The following RGL1 variants were observed in gnomAD, a reference collection of about 807,000 sequenced individuals.
The protein encoded by RGL1 is ral guanine nucleotide dissociation stimulator-like 1.
Under a neutral mutation model 95.2 loss-of-function variants are expected in RGL1, and 24 were observed. That is an observed-to-expected ratio of 0.25 (90% CI 0.18 to 0.35). The LOEUF is 0.35. Ranked by LOEUF, RGL1 falls within the 10% of genes least tolerant of loss-of-function variation. RGL1 has a pLI of 1.00. For synonymous variants in RGL1, 329 were observed against 344.9 expected, an observed-to-expected ratio of 0.95 and a Z score of 0.51; for missense variants, 715 against 936.3, an observed-to-expected ratio of 0.76 and a Z score of 3.08.
At chr1:183,893,384 T>C (rs1055217618) in intron 9 of RGL1, among the ~76,000 whole-genome samples, 1 of 152,232 alleles carries the variant, frequency 6.6e-6, no homozygotes, top group Non-Finnish European at 1.5e-5. Context: ...AGATTCACTA[T>C]GGTAAAATAC....
intron 2 of RGL1, among the ~76,000 whole-genome samples, chr1:183,832,031 A>G (rs1163179161): frequency 6.6e-6 from 1 of 152,228 alleles, no homozygotes; most frequent in Non-Finnish European, 1.5e-5. Flanking sequence ...GGACTTTATT[A>G]TAAAAGCAGG....
chr1:183,687,005 G>A (rs1653631430), intron 1 of RGL1, among the ~76,000 whole-genome samples: 1 of 152,104 alleles, frequency 6.6e-6, no homozygotes, highest in South Asian at 2.1e-4. Flanking sequence ...TTCTTCAAGC[G>A]TGACATCAAT....
intron 1 of RGL1, among the ~76,000 whole-genome samples, chr1:183,641,360 C>A (rs554553217): frequency 1.3e-5 from 2 of 152,288 alleles, no homozygotes; most frequent in East Asian, 3.9e-4. Context: ...GTCTTGAACT[C>A]CTGAGCACAA....
chr1:183,823,862 C>T (rs1411056120), intron 2 of RGL1, among the ~76,000 whole-genome samples: 1 of 152,186 alleles, frequency 6.6e-6, no homozygotes, highest in Non-Finnish European at 1.5e-5. Context: ...TCATAGCTTA[C>T]TGCAGCCTCA....
chr1:183,703,685 TACAG>T (rs1654734738), intron 1 of RGL1, among the ~76,000 whole-genome samples: 1 of 152,214 alleles, frequency 6.6e-6, no homozygotes. Context: ...CTGGAGAAAG[TACAG>T]ACAAAGACTA....
At chr1:183,745,374 GT>G (rs11325976) in intron 2 of RGL1, among the ~76,000 whole-genome samples, 67,286 of 151,348 alleles carry the variant, frequency 0.44, 16,152 homozygotes, top group East Asian at 0.76. Flanking sequence ...CTTATGGTTT[GT>G]GTTTTTTCTG....
In RGL1 at chr1:183,907,073, C is replaced by A. The variant is rs371044087; in HGVS notation, c.1534C>A (p.Arg512=). 1 of 1,611,234 alleles carries A rather than the reference C, an allele frequency of 6.2e-7. No homozygotes were observed. Among genetic ancestry groups the A allele is most frequent in the Non-Finnish European group, 8.5e-7 (1 of 1,178,146 alleles). The change falls in exon 14 of 18, where the codon CGG becomes AGG. Residue 512 remains arginine, a synonymous_variant. Transcript: ENST00000360851. ...CGCCAGCACCACCTCGCCCAAGCCT[C>A]GGAAGAGCATGGTGAAGAGACTCAG... The part of the protein sequence containing the change: ...ADASTTSPKP[R]KSMVKRLSLL...
intron 9 of RGL1, among the ~76,000 whole-genome samples, chr1:183,893,047 G>A (rs1311230139): frequency 1.3e-5 from 2 of 152,204 alleles, no homozygotes; most frequent in Non-Finnish European, 2.9e-5. Flanking sequence ...AAGACATAAA[G>A]CTATTTCTTC....
At chr1:183,679,677 T>A (rs147183190) in intron 1 of RGL1, among the ~76,000 whole-genome samples, 1 of 152,172 alleles carries the variant, frequency 6.6e-6, no homozygotes, top group African/African-American at 2.4e-5. Flanking sequence ...AATAAACATA[T>A]GTGTGCATGT....
chr1:183,913,698 T>G (rs1668797034), intron 15 of RGL1, among the ~76,000 whole-genome samples: 1 of 152,216 alleles, frequency 6.6e-6, no homozygotes, highest in Non-Finnish European at 1.5e-5. Context: ...TTGGTTTATA[T>G]CTGCTGCTCT....
rs67070302 is a variant in RGL1, at chr1:183,818,771, C to CT, written c.138+12294dup. Among the ~76,000 whole-genome samples, 9 of 151,998 alleles carry CT rather than the reference C, an allele frequency of 5.9e-5. 1 individual carries two copies. The highest frequency in any genetic ancestry group is 2.0e-4 in the Admixed American group (3 of 15,258). The stretch of plus-strand genomic sequence containing the variant: ...ATTATAGAACGTGTATCTTTAGTGA[C>CT]TTTTTTTTGGTATTTGGTAATATTG... On this transcript the variant is annotated intron_variant, in intron 2 of 17. Coordinates refer to ENST00000360851, the MANE Select transcript of RGL1 (RefSeq NM_001297671.3).
chr1:183,779,646 G>A (rs1659794737), intron 2 of RGL1, among the ~76,000 whole-genome samples: 1 of 152,150 alleles, frequency 6.6e-6, no homozygotes, highest in Non-Finnish European at 1.5e-5. Flanking sequence ...CAGTGTGTGA[G>A]GTAGCCCCCA....
chr1:183,847,468 G>A lies in RGL1; in HGVS notation c.139-98G>A, dbSNP rs1268512978. 3 of 972,256 alleles carry A rather than the reference G, an allele frequency of 3.1e-6. No homozygotes were observed. The African/African-American group carries it at 4.9e-5, about 16-fold the overall frequency. 60.2% of individuals were successfully genotyped at this position (972,256 alleles called of 1,614,324 possible). ...GATAAATAAATAAATAAGAATGAGA[G>A]GAAACATAACAGGCTATGGCCTTCA... On this transcript the variant is annotated intron_variant, in intron 2 of 17. Transcript: ENST00000360851.
In RGL1 at chr1:183,883,898, C is replaced by G. The variant is rs1187027389; in HGVS notation, c.723C>G (p.Thr241=). ...FSEDLVAEQL[T]YMDAQLFKKV... is the part of the protein sequence containing the mutation. ...AAGATCTCGTGGCAGAGCAGCTGAC[C>G]TACATGGATGCAGTATGTCTTCTCT... The change falls in exon 6 of 18, where the codon ACC becomes ACG. Residue 241 remains threonine (T), a synonymous_variant. Coordinates refer to ENST00000360851, the MANE Select transcript of RGL1 (RefSeq NM_001297671.3). The G allele has an allele frequency of 6.2e-7, 1 of 1,613,824 alleles. No homozygotes were observed. The highest frequency in any genetic ancestry group is 8.5e-7 in the Non-Finnish European group (1 of 1,179,862).
intron 2 of RGL1, among the ~76,000 whole-genome samples, chr1:183,821,199 T>C (rs1662467515): frequency 6.6e-6 from 1 of 152,156 alleles, no homozygotes; most frequent in Non-Finnish European, 1.5e-5. Context: ...ATTTGGCAAC[T>C]AAAAAATTTT....
chr1:183,745,445 G>T (rs1282453456), intron 2 of RGL1, among the ~76,000 whole-genome samples: 1 of 151,902 alleles, frequency 6.6e-6, no homozygotes, highest in South Asian at 2.1e-4. Flanking sequence ...TTTCCTAAAA[G>T]TTCTAAAAGT....
chr1:183,823,832 C>A (rs1662662995), intron 2 of RGL1, among the ~76,000 whole-genome samples: 1 of 152,170 alleles, frequency 6.6e-6, no homozygotes, highest in African/African-American at 2.4e-5. Flanking sequence ...CTCTGTCACA[C>A]AAGCTGGAGT....
intron 14 of RGL1, among the ~76,000 whole-genome samples, chr1:183,910,947 TG>T (rs1668608997): frequency 6.6e-6 from 1 of 152,256 alleles, no homozygotes; most frequent in Non-Finnish European, 1.5e-5. Context: ...TTATTAGTTT[TG>T]TTCTGACAGT....
chr1:183,796,864 TG>T (rs1660727010), intron 2 of RGL1, among the ~76,000 whole-genome samples: 1 of 152,352 alleles, frequency 6.6e-6, no homozygotes, highest in South Asian at 2.1e-4. Flanking sequence ...AGTTGATGGT[TG>T]TATGTTTTGA....
Sources: gnomAD v4.1 joint callset for allele counts (sites outside exome capture counted in the v4.1 genomes callset) on GRCh38, gnomAD v4.1.1 for gene constraint, MANE v1.5 for transcripts, NCBI Gene and HGNC (gene_info 2026-07-23, HGNC 2026-07-21) for gene names.